LEPR: variants seen among roughly 807,000 people sequenced by gnomAD.
LEPR encodes the protein OB receptor.
In LEPR, 56 loss-of-function variants were observed where a neutral mutation model predicts 114.7. The observed-to-expected ratio is 0.49, with a 90% confidence interval of 0.39 to 0.61. The LOEUF is 0.61. Among genes scored for constraint, LEPR ranks in the 20% least tolerant of loss-of-function variants. LEPR has a pLI of 0.00. For synonymous variants in LEPR, 443 were observed against 461.4 expected (o/e 0.96, Z 0.51); for missense variants, 1,202 against 1,352.9 (o/e 0.89, Z 1.75).
chr1:65,429,171 G>T (rs1646436448), intron 2 of LEPR, among the ~76,000 whole-genome samples: 1 of 152,142 alleles, frequency 6.6e-6, no homozygotes, highest in South Asian at 2.1e-4. Context: ...GATGACCAGG[G>T]AAAGTTCTGC....
At chr1:65,503,761 A>T (rs1055862356) in intron 2 of LEPR, among the ~76,000 whole-genome samples, 4 of 150,810 alleles carry the variant, frequency 2.7e-5, no homozygotes, top group African/African-American at 9.8e-5. Flanking sequence ...TACATATAGA[A>T]ATATTTATAG....
At chr1:65,496,002 A>G (rs1424594182) in intron 2 of LEPR, among the ~76,000 whole-genome samples, 3 of 152,198 alleles carry the variant, frequency 2.0e-5, no homozygotes, top group African/African-American at 4.8e-5. Context: ...TATGAAGACT[A>G]TAGTTAACAA....
At chr1:65,618,521 A>G (rs2101000117) in intron 16 of LEPR, among the ~76,000 whole-genome samples, 1 of 152,026 alleles carries the variant, frequency 6.6e-6, no homozygotes, top group Non-Finnish European at 1.5e-5. Flanking sequence ...GGTAGAGACA[A>G]GGTCTCACTA....
intron 7 of LEPR, among the ~76,000 whole-genome samples, chr1:65,597,318 T>A (rs1200573485): frequency 6.6e-6 from 1 of 152,122 alleles, no homozygotes; most frequent in Non-Finnish European, 1.5e-5. Context: ...AATAAAGTCT[T>A]CCTTACTTCC....
At chr1:65,488,290 C>T (rs1647680231) in intron 2 of LEPR, among the ~76,000 whole-genome samples, 1 of 142,710 alleles carries the variant, frequency 7.0e-6, no homozygotes, top group Non-Finnish European at 1.5e-5. Flanking sequence ...TTCCCTCCCT[C>T]TCTCTCTCTC....
intron 18 of LEPR, 78 bp from the exon 19 acceptor site, chr1:65,622,828 C>T: frequency 6.7e-7 from 1 of 1,483,032 alleles, no homozygotes; most frequent in East Asian, 2.3e-5. Flanking sequence ...TAATTTCTAG[C>T]TTGTCTGTTC....
chr1:65,523,232 T>C (rs1649724640), intron 2 of LEPR, among the ~76,000 whole-genome samples: 1 of 152,182 alleles, frequency 6.6e-6, no homozygotes, highest in Non-Finnish European at 1.5e-5. Flanking sequence ...AAGTTGAGGG[T>C]TTGAGCCTTT....
At chr1:65,558,254 A>T (rs1436607271) in intron 2 of LEPR, among the ~76,000 whole-genome samples, 1 of 152,166 alleles carries the variant, frequency 6.6e-6, no homozygotes, top group Non-Finnish European at 1.5e-5. Context: ...CAGTGTACTG[A>T]TTTCTAGAAA....
chr1:65,493,040 C>T (rs1170897546), intron 2 of LEPR, among the ~76,000 whole-genome samples: 1 of 151,966 alleles, frequency 6.6e-6, no homozygotes, highest in Non-Finnish European at 1.5e-5. Flanking sequence ...TCTTCCTCCT[C>T]CTTCCATCCT....
chr1:65,613,614 G>A lies in LEPR; in HGVS notation c.1996-2394G>A, dbSNP rs546794589. Among the ~76,000 whole-genome samples, 32 of 130,004 alleles carry A rather than the reference G, an allele frequency of 2.5e-4. 1 individual carries two copies. Among genetic ancestry groups the A allele is most frequent in the African/African-American group, 8.0e-4 (29 of 36,330 alleles). 85.3% of individuals were successfully genotyped at this position (130,004 alleles called of 152,430 possible). A position where few individuals can be genotyped will look rare whatever the true frequency, so the allele number is the denominator to read the frequency against. On this transcript the variant is annotated intron_variant, in intron 14 of 19. Transcript: ENST00000349533. ...TAAAAATACAAAAAATTAGCCGGGC[G>A]CGGTGGCGGGCGCCTGTAGTCCCAG... is the stretch of plus-strand genomic sequence containing the variant.
intron 11 of LEPR, 54 bp downstream of exon 11, chr1:65,605,291 T>A: frequency 1.3e-6 from 2 of 1,599,972 alleles, no homozygotes; most frequent in Non-Finnish European, 1.7e-6. Flanking sequence ...GTATGCAGAT[T>A]GATGCAGATT....
chr1:65,570,903 A>G, intron 4 of LEPR, 101 bp downstream of exon 4: 5 of 985,250 alleles, frequency 5.1e-6, no homozygotes, highest in Non-Finnish European at 6.9e-6. Flanking sequence ...AACATACATA[A>G]TCATTTTTAT....
Position 65,610,253 on chromosome 1 carries a change from G to T in LEPR, c.1952G>T (p.Gly651Val). ...RGPEFWRIIN[G>V]DTMKKEKNVT... is the part of the protein sequence containing the mutation. ...CCTGAATTTTGGAGAATAATTAATG[G>T]AGATACTATGAAAAAGGAGAAAAAT... The change falls in exon 14 of 20, where the codon GGA becomes GTA. Residue 651 changes from glycine to valine, a missense_variant. Gly to Val is a moderately radical substitution (Grantham distance 109). Coordinates refer to ENST00000349533, the MANE Select transcript of LEPR (RefSeq NM_002303.6). 3.1e-6 allele frequency: 5 copies of T among 1,613,788 alleles called. No individual in the cohort carries two copies. The highest frequency in any genetic ancestry group is 4.2e-6 in the Non-Finnish European group (5 of 1,179,880).
chr1:65,601,877 G>GT lies in LEPR; in HGVS notation c.1321dup (p.Tyr441LeufsTer4). 6.2e-7 allele frequency: 1 copy of GT among 1,613,566 alleles called. No individual in the cohort carries two copies. Among genetic ancestry groups the GT allele is most frequent in the Admixed American group, 1.7e-5 (1 of 60,022 alleles). On this transcript the variant is annotated frameshift_variant, in exon 10 of 20. Transcript: ENST00000349533. LOFTEE classifies it high-confidence loss of function. ...TCAATATCTCATGTGAAACTGATGG[G>GT]TACTTAACTAAAATGACTTGCAGAT... is the stretch of plus-strand genomic sequence containing the variant.
chr1:65,460,212 C>A (rs973461220), intron 2 of LEPR, among the ~76,000 whole-genome samples: 27 of 152,210 alleles, frequency 1.8e-4, no homozygotes, highest in African/African-American at 6.5e-4. Context: ...AATGAGTGAT[C>A]TCTGTTTTAT....
chr1:65,623,211 T>C (rs867769113), intron 19 of LEPR: 23 of 499,242 alleles, frequency 4.6e-5, no homozygotes, highest in African/African-American at 3.1e-4. Context: ...ACAATATACA[T>C]ATGTTGCTTC....
chr1:65,447,928 CT>C (rs1017908902), intron 2 of LEPR, among the ~76,000 whole-genome samples: 1 of 152,096 alleles, frequency 6.6e-6, no homozygotes, highest in African/African-American at 2.4e-5. Flanking sequence ...GTTGTTTATT[CT>C]TTTGGATTTT....
At chr1:65,449,108 G>T (rs1646747919) in intron 2 of LEPR, among the ~76,000 whole-genome samples, 1 of 152,132 alleles carries the variant, frequency 6.6e-6, no homozygotes, top group Admixed American at 6.5e-5. Flanking sequence ...TGGTCAGGCT[G>T]GTCTCGAACT....
In LEPR at chr1:65,639,731, T is replaced by C. The variant is rs1300523741; in HGVS notation, c.*2716T>C. The C allele has an allele frequency of 6.6e-6, 1 of 152,198 alleles. No individual in the cohort carries two copies. The allele number at this position is 152,198 out of a possible 1,614,324, so 9.4% of individuals were successfully genotyped here. A position where few individuals can be genotyped will look rare whatever the true frequency, so the allele number is the denominator to read the frequency against. ...TCAGTCTTTCTAAATCTGACCTTCA[T>C]TGAAAGCAACTCAGAAATTAATAAT... On this transcript the variant is annotated 3_prime_UTR_variant, in exon 20 of 20. Coordinates refer to ENST00000349533, the MANE Select transcript of LEPR (RefSeq NM_002303.6).
Sources: gnomAD v4.1 joint callset for allele counts (sites outside exome capture counted in the v4.1 genomes callset) on GRCh38, gnomAD v4.1.1 for gene constraint, MANE v1.5 for transcripts, NCBI Gene and HGNC (gene_info 2026-07-23, HGNC 2026-07-21) for gene names.